Variants in CLRN1 observed in about 807,000 individuals in gnomAD.
CLRN1 encodes the protein clarin-1.
CLRN1 carries 15 observed loss-of-function variants against 18.7 expected under a neutral mutation model. That is an observed-to-expected ratio of 0.80 (90% CI 0.54 to 1.23). The LOEUF is 1.23. Among genes scored for constraint, CLRN1 ranks in the 50% most tolerant of loss-of-function variants. The pLI is 0.00. For missense variants in CLRN1, 311 were observed against 277.5 expected (o/e 1.12, Z -0.86); for synonymous variants, 104 against 102.9 (o/e 1.01, Z -0.07).
At chr3:150,932,946 T>C (rs1713239750) in intron 2 of CLRN1, among the ~76,000 whole-genome samples, 1 of 152,252 alleles carries the variant, frequency 6.6e-6, no homozygotes, top group Admixed American at 6.5e-5. Context: ...TCACTTTATC[T>C]TCTGTAATGG....
chr3:150,963,810 G>A lies in CLRN1; in HGVS notation c.253+8646C>T, dbSNP rs112285540. On this transcript the variant is annotated intron_variant, in intron 1 of 2. Coordinates refer to ENST00000327047, the MANE Select transcript of CLRN1 (RefSeq NM_174878.3). ...GACAAACCTGACAAAAACAAGCAAC[G>A]GGGAAAGGATTCCCTATTTAATAAA... is the stretch of plus-strand genomic sequence containing the variant. Among the ~76,000 whole-genome samples the A allele has an allele frequency of 1.6e-4, 24 of 152,250 alleles. 2 individuals are homozygous for A. The highest frequency in any genetic ancestry group is 8.3e-4 in the South Asian group (4 of 4,818).
At chr3:150,966,135 C>G (rs1010640163) in intron 1 of CLRN1, among the ~76,000 whole-genome samples, 2 of 152,124 alleles carry the variant, frequency 1.3e-5, no homozygotes, top group African/African-American at 4.8e-5. Context: ...GCCTGGGCAA[C>G]CCCATCTCTA....
chr3:150,940,606 G>A, intron 2 of CLRN1: 1 of 1,274,762 alleles, frequency 7.8e-7, no homozygotes, highest in Non-Finnish European at 1.1e-6. Context: ...ATCCCTCCAT[G>A]AAACCATCAA....
At chr3:150,958,358 C>T (rs1208431763) in intron 1 of CLRN1, among the ~76,000 whole-genome samples, 5 of 152,186 alleles carry the variant, frequency 3.3e-5, no homozygotes, top group African/African-American at 9.7e-5. Context: ...TTGGAGGAGC[C>T]TTATGACTGG....
chr3:150,929,654 T>C (rs924004041), intron 2 of CLRN1, among the ~76,000 whole-genome samples: 8 of 152,242 alleles, frequency 5.3e-5, no homozygotes, highest in Non-Finnish European at 1.2e-4. Context: ...TAGCTATTCA[T>C]ATGGTTTTTA....
At chr3:150,971,678 A>G (rs936601287) in intron 1 of CLRN1, among the ~76,000 whole-genome samples, 1 of 152,216 alleles carries the variant, frequency 6.6e-6, no homozygotes, top group Admixed American at 6.5e-5. Flanking sequence ...TGTGTGTTGT[A>G]AGAGATATAA....
intron 1 of CLRN1, among the ~76,000 whole-genome samples, chr3:150,949,917 T>C (rs1055522939): frequency 2.0e-4 from 30 of 152,126 alleles, no homozygotes; most frequent in African/African-American, 7.2e-4. Context: ...AAATATGCTA[T>C]AGGGCTACAG....
intron 1 of CLRN1, among the ~76,000 whole-genome samples, chr3:150,965,295 C>T (rs1227620417): frequency 6.6e-6 from 1 of 152,104 alleles, no homozygotes; most frequent in African/African-American, 2.4e-5. Flanking sequence ...CATAATATGT[C>T]CCATGTAAGG....
chr3:150,965,642 T>C (rs1446136040), intron 1 of CLRN1, among the ~76,000 whole-genome samples: 1 of 152,112 alleles, frequency 6.6e-6, no homozygotes, highest in African/African-American at 2.4e-5. Flanking sequence ...CATCCTTCAA[T>C]AGGTAAAGTT....
chr3:150,959,534 C>T (rs1714923126), intron 1 of CLRN1, among the ~76,000 whole-genome samples: 1 of 149,734 alleles, frequency 6.7e-6, no homozygotes, highest in Non-Finnish European at 1.5e-5. Context: ...GAGGCTGGGG[C>T]AGGAGAATCT....
chr3:150,945,556 G>A (rs1374186213), intron 1 of CLRN1: 1 of 1,286,896 alleles, frequency 7.8e-7, no homozygotes, highest in East Asian at 5.5e-5. Flanking sequence ...CTATCCAATA[G>A]GGAGCATCCT....
At chr3:150,948,440 C>T (rs968417497) in intron 1 of CLRN1, among the ~76,000 whole-genome samples, 2 of 140,384 alleles carry the variant, frequency 1.4e-5, no homozygotes, top group Admixed American at 7.3e-5. Context: ...GCCGAGATCG[C>T]GCCACTGCAC....
At chr3:150,938,152 A>G (rs955081608) in intron 2 of CLRN1, among the ~76,000 whole-genome samples, 1 of 152,174 alleles carries the variant, frequency 6.6e-6, no homozygotes, top group Non-Finnish European at 1.5e-5. Flanking sequence ...AGGTCCAAGG[A>G]GGAAAGCATT....
chr3:150,972,776 G>T (rs765265811), upstream of CLRN1: 9 of 1,605,942 alleles, frequency 5.6e-6, no homozygotes, highest in Admixed American at 1.2e-4. Context: ...GGAAGGGACT[G>T]CCTCTTTGAC....
chr3:150,945,518 T>G (rs1306894913), intron 1 of CLRN1: 11 of 1,286,954 alleles, frequency 8.5e-6, no homozygotes, highest in Non-Finnish European at 1.1e-5. Flanking sequence ...ACTAACTACA[T>G]ATGTACATAC....
At chr3:150,964,920 G>T (rs142016559) in intron 1 of CLRN1, among the ~76,000 whole-genome samples, 55 of 152,216 alleles carry the variant, frequency 3.6e-4, no homozygotes, top group Middle Eastern at 3.4e-3. Flanking sequence ...GACTAGGGGA[G>T]GGATAGCATT....
At chr3:150,966,644 A>G (rs1172771589) in intron 1 of CLRN1, among the ~76,000 whole-genome samples, 3 of 152,214 alleles carry the variant, frequency 2.0e-5, no homozygotes, top group Non-Finnish European at 2.9e-5. Context: ...TTTCTTTAAC[A>G]TGCAATTTCC....
chr3:150,960,358 TG>T (rs1714966298), intron 1 of CLRN1, among the ~76,000 whole-genome samples: 1 of 151,896 alleles, frequency 6.6e-6, no homozygotes, highest in South Asian at 2.1e-4. Context: ...TCACTGAGGG[TG>T]GGTAAGAGGG....
intron 2 of CLRN1, among the ~76,000 whole-genome samples, chr3:150,937,385 T>C (rs1409954854): frequency 6.6e-6 from 1 of 152,198 alleles, no homozygotes; most frequent in Non-Finnish European, 1.5e-5. Flanking sequence ...TATTCACTTA[T>C]ATTGCAACCC....
Sources: allele counts gnomAD v4.1 joint callset (sites outside exome capture counted in the v4.1 genomes callset), GRCh38; gene constraint gnomAD v4.1.1; transcripts MANE v1.5; gene names NCBI Gene and HGNC (gene_info 2026-07-23, HGNC 2026-07-21).